Variants in ZMYM2 observed in about 807,000 individuals in gnomAD.
ZMYM2 encodes the protein zinc finger MYM-type protein 2.
ZMYM2 carries 56 observed loss-of-function variants against 162.8 expected under a neutral mutation model. That is an observed-to-expected ratio of 0.34 (90% CI 0.28 to 0.43). The LOEUF (loss-of-function observed/expected upper bound fraction) is 0.43. Among genes scored for constraint, ZMYM2 ranks in the 20% least tolerant of loss-of-function variants. The pLI is 1.00. For missense variants in ZMYM2, 1,275 were observed against 1,621.8 expected, an observed-to-expected ratio of 0.79 and a Z score of 3.67; for synonymous variants, 510 against 541.6, an observed-to-expected ratio of 0.94 and a Z score of 0.81.
intron 1 of ZMYM2, among the ~76,000 whole-genome samples, chr13:19,959,654 G>T (rs1225708243): frequency 6.6e-6 from 1 of 152,172 alleles, no homozygotes; most frequent in East Asian, 1.9e-4. Context: ...CAAATCCCTT[G>T]CTGGCGTCGA....
chr13:19,947,729 G>C, the ZMYM2 span, among the ~76,000 whole-genome samples: 1 of 151,848 alleles, frequency 6.6e-6, no homozygotes, highest in African/African-American at 2.4e-5. Context: ...CCTAACTTCA[G>C]GTGATCCATC....
chr13:20,067,772 T>G (rs1462414243), intron 21 of ZMYM2, among the ~76,000 whole-genome samples: 1 of 152,216 alleles, frequency 6.6e-6, no homozygotes, highest in East Asian at 1.9e-4. Flanking sequence ...AGATCATTCT[T>G]TAGGGGTAAA....
In ZMYM2 at chr13:20,050,854, T is replaced by C. The variant is rs530776784; in HGVS notation, c.2293-579T>C. 1.2e-4 allele frequency among the ~76,000 whole-genome samples: 19 copies of C among 152,202 alleles called. 1 individual carries two copies. The highest frequency in any genetic ancestry group is 3.4e-3 in the Middle Eastern group (1 of 294). On this transcript the variant is annotated intron_variant, in intron 12 of 24. Transcript: ENST00000610343. ...CAAATTGCTTGTCTTATAGATATTATTGGTTTTCAGAACATTTAAACATTG... is the reference window on the plus strand; with the variant it reads ...CAAATTGCTTGTCTTATAGATATTACTGGTTTTCAGAACATTTAAACATTG...
the ZMYM2 span, among the ~76,000 whole-genome samples, chr13:19,899,816 CAAAAAAAA>C: frequency 1.5e-5 from 1 of 64,986 alleles, no homozygotes; most frequent in Non-Finnish European, 2.7e-5. Context: ...GACTCTGACT[CAAAAAAAA>C]AAAAAAAAAA....
At chr13:19,864,784 G>A in the ZMYM2 span, 1 of 152,302 alleles carries the variant, frequency 6.6e-6, no homozygotes, top group African/African-American at 2.4e-5. Context: ...CAGAATCAGG[G>A]ACAGATGGCG....
chr13:19,969,706 TA>T (rs1187980691), intron 2 of ZMYM2, among the ~76,000 whole-genome samples: 1 of 152,144 alleles, frequency 6.6e-6, no homozygotes, highest in African/African-American at 2.4e-5. Context: ...CTAGATAATT[TA>T]AAAAATAAAA....
chr13:19,882,733 T>G, the ZMYM2 span, among the ~76,000 whole-genome samples: 1 of 151,928 alleles, frequency 6.6e-6, no homozygotes, highest in Non-Finnish European at 1.5e-5. Flanking sequence ...AGCGACAGGG[T>G]AAGACCCTGT....
At chr13:19,943,068 G>A in the ZMYM2 span, among the ~76,000 whole-genome samples, 2 of 152,260 alleles carry the variant, frequency 1.3e-5, no homozygotes, top group South Asian at 2.1e-4. Flanking sequence ...CATACCGACC[G>A]ACAGCTCTAG....
chr13:20,067,770 C>T lies in ZMYM2; in HGVS notation c.3453+380C>T, dbSNP rs17075880. ...GGCTATTTCATAAAAAGAGATCATT[C>T]TTTAGGGGTAAAGATAAACTTCATC... On this transcript the variant is annotated intron_variant, in intron 21 of 24. Coordinates refer to ENST00000610343, the MANE Select transcript of ZMYM2 (RefSeq NM_197968.4). Among the ~76,000 whole-genome samples, 1,325 of 152,222 alleles carry T rather than the reference C, an allele frequency of 8.7e-3. 32 individuals carry two copies. The highest frequency in any genetic ancestry group is 0.03 in the African/African-American group (1,248 of 41,544).
At chr13:19,958,207 G>T (rs1954692289), upstream of ZMYM2, among the ~76,000 whole-genome samples, 1 of 152,222 alleles carries the variant, frequency 6.6e-6, no homozygotes, top group Non-Finnish European at 1.5e-5. Context: ...CGCCTCCCCG[G>T]CCTCGCCCCT....
At chr13:20,036,138 CGTA>C (rs1354616406) in intron 11 of ZMYM2, among the ~76,000 whole-genome samples, 1 of 151,958 alleles carries the variant, frequency 6.6e-6, no homozygotes, top group East Asian at 1.9e-4. Context: ...ATGTGATCCT[CGTA>C]GAGGTGTTAT....
rs1356231835 is a variant in ZMYM2 at position 20,083,091 on chromosome 13, TC to T, written c.3820+60del. 6 of 1,462,332 alleles carry T rather than the reference TC, an allele frequency of 4.1e-6. No homozygotes were observed. In the African/African-American group the frequency reaches 8.6e-5, roughly 21 times the overall value. 90.6% of individuals were successfully genotyped at this position (1,462,332 alleles called of 1,614,324 possible). On this transcript the variant is annotated intron_variant, in intron 23 of 24. Transcript: ENST00000610343. The stretch of plus-strand genomic sequence containing the variant: ...TTTAAATTTTTTTTGAGACAGAGTT[TC>T]ACTCTTGTTGCCCAGGCTGGAGTGC...
Position 20,063,840 on chromosome 13 carries a change from T to TAATATACATCATGATG in ZMYM2, c.3038-611_3038-610insAATATACATCATGATG, listed in dbSNP as rs1566433863. On this transcript the variant is annotated intron_variant, in intron 18 of 24. Coordinates refer to ENST00000610343, the MANE Select transcript of ZMYM2 (RefSeq NM_197968.4). ...TAATACATAAATATAATTTTATATATTATATACATCATGATGTATATAATA... is the reference window on the plus strand; with the variant it reads ...TAATACATAAATATAATTTTATATATAATATACATCATGATGTATATACATCATGATGTATATAATA... Among the ~76,000 whole-genome samples the TAATATACATCATGATG allele has an allele frequency of 7.1e-3, 1,032 of 146,142 alleles. 17 individuals carry two copies. Among genetic ancestry groups the TAATATACATCATGATG allele is most frequent in the African/African-American group, 0.024 (973 of 40,350 alleles).
chr13:19,892,721 CCTT>C, the ZMYM2 span, among the ~76,000 whole-genome samples: 1 of 150,952 alleles, frequency 6.6e-6, no homozygotes, highest in African/African-American at 2.4e-5. Flanking sequence ...TTTATTTTAA[CCTT>C]TTTTTTTTTT....
the ZMYM2 span, among the ~76,000 whole-genome samples, chr13:19,909,361 G>A: frequency 8.4e-4 from 127 of 151,276 alleles, no homozygotes; most frequent in Non-Finnish European, 1.2e-3. Context: ...AAGAAAACCA[G>A]TAACTTTCCT....
At chr13:19,890,846 T>G in the ZMYM2 span, among the ~76,000 whole-genome samples, 1 of 150,454 alleles carries the variant, frequency 6.6e-6, no homozygotes, top group African/African-American at 2.5e-5. Context: ...CACTCCAGCC[T>G]GGGCAACAGA....
chr13:19,906,991 G>T, the ZMYM2 span, among the ~76,000 whole-genome samples: 1 of 152,112 alleles, frequency 6.6e-6, no homozygotes, highest in Non-Finnish European at 1.5e-5. Flanking sequence ...ATCCCAAAAT[G>T]CTGGGATTAC....
the ZMYM2 span, among the ~76,000 whole-genome samples, chr13:19,881,477 C>T: frequency 7.9e-5 from 12 of 151,860 alleles, no homozygotes; most frequent in African/African-American, 2.9e-4. Flanking sequence ...AAAAAATTAG[C>T]TGGGTGTGGT....
the ZMYM2 span, among the ~76,000 whole-genome samples, chr13:19,926,134 T>A: frequency 6.6e-6 from 1 of 151,144 alleles, no homozygotes; most frequent in Admixed American, 6.6e-5. Flanking sequence ...CTAATTTTTT[T>A]ATTTTTAGTA....
Sources: allele counts gnomAD v4.1 joint callset (sites outside exome capture counted in the v4.1 genomes callset), GRCh38; gene constraint gnomAD v4.1.1; transcripts MANE v1.5; gene names NCBI Gene and HGNC (gene_info 2026-07-23, HGNC 2026-07-21).